Variants in GCNT2 observed in about 807,000 individuals in gnomAD.
The protein encoded by GCNT2 is N-acetyllactosaminide beta-1,6-N-acetylglucosaminyl-transferase.
In GCNT2, 34 loss-of-function variants were observed where a neutral mutation model predicts 34.2. The observed-to-expected ratio is 1.00, with a 90% CI of 0.76 to 1.32. GCNT2 has a LOEUF of 1.32. Among genes scored for constraint, GCNT2 ranks in the 40% most tolerant of loss-of-function variants. GCNT2 has a pLI of 0.00. For synonymous variants in GCNT2, 212 were observed against 188.0 expected (o/e 1.13, Z -1.04); for missense variants, 584 against 489.4 (o/e 1.19, Z -1.82).
At chr6:10,536,905 A>G (rs1243828410) in intron 3 of GCNT2, among the ~76,000 whole-genome samples, 1 of 151,682 alleles carries the variant, frequency 6.6e-6, no homozygotes, top group Non-Finnish European at 1.5e-5. Context: ...AGCTGGGACT[A>G]CAGGCGCCCG....
At chr6:10,547,136 G>A (rs188369010) in intron 3 of GCNT2, among the ~76,000 whole-genome samples, 1 of 152,186 alleles carries the variant, frequency 6.6e-6, no homozygotes, top group Non-Finnish European at 1.5e-5. Context: ...ATAATATTTT[G>A]TACACTTGCC....
intron 3 of GCNT2, among the ~76,000 whole-genome samples, chr6:10,559,939 G>GT (rs1379472393): frequency 6.6e-6 from 1 of 152,216 alleles, no homozygotes; most frequent in African/African-American, 2.4e-5. Context: ...TCTAGCCCTA[G>GT]TAGTGCCTCT....
In GCNT2 at chr6:10,529,614, G is replaced by C. The variant is rs769797010; in HGVS notation, c.703G>C (p.Glu235Gln). ...AVGRTKYVHQ[E>Q]LLNHKNSYVI... ...TGGACGGACTAAATACGTCCACCAA[G>C]AACTGTTAAACCACAAAAATTCCTA... Residue 235 changes from glutamate (E) to glutamine (Q), a missense_variant, in exon 3 of 5, where the codon GAA (glutamate) becomes CAA (glutamine). By Grantham distance (29) the Glu-to-Gln change is conservative (BLOSUM62 2). Transcript: ENST00000495262. 6.2e-7 allele frequency: 1 copy of C among 1,613,996 alleles called. No homozygotes were observed. Among genetic ancestry groups the C allele is most frequent in the African/African-American group, 1.3e-5 (1 of 74,918 alleles).
At chr6:10,534,509 T>C (rs571153434) in intron 3 of GCNT2, among the ~76,000 whole-genome samples, 33 of 152,202 alleles carry the variant, frequency 2.2e-4, no homozygotes, top group African/African-American at 6.3e-4. Context: ...CCTTGGGTCA[T>C]GCAGCCATTG....
chr6:10,624,809 A>G (rs980566684), intron 4 of GCNT2, among the ~76,000 whole-genome samples: 5 of 151,814 alleles, frequency 3.3e-5, no homozygotes, highest in African/African-American at 1.2e-4. Context: ...GGTCTCAGCT[A>G]TCTGTGGGCC....
At chr6:10,549,561 C>CTTTTTTTTTTT (rs1425642393) in intron 3 of GCNT2, among the ~76,000 whole-genome samples, 1 of 111,298 alleles carries the variant, frequency 9.0e-6, no homozygotes, top group African/African-American at 4.2e-5. Flanking sequence ...CAATCTCTCT[C>CTTTTTTTTTTT]TCTTTTTTTT....
At chr6:10,556,319 G>C (rs996453955) in intron 3 of GCNT2, 2 of 1,580,256 alleles carry the variant, frequency 1.3e-6, no homozygotes, top group African/African-American at 2.7e-5. Flanking sequence ...CAGGGCAGGA[G>C]TGAGTGGAGT....
In GCNT2 at chr6:10,626,418, C is replaced by T; in HGVS notation, c.1020C>T (p.Gly340=). The T allele has an allele frequency of 2.5e-6, 4 of 1,607,832 alleles. No individual in the cohort carries two copies. Among genetic ancestry groups the T allele is most frequent in the Non-Finnish European group, 3.4e-6 (4 of 1,174,304 alleles). Residue 340 remains glycine (G), a splice_region_variant and synonymous_variant, in exon 5 of 5, where the codon GGC becomes GGT. Transcript: ENST00000495262. ...TGTTTCTTGTTCTTTCTTTTGCAGG[C>T]CACTATGTACATGGTATTTGTATCT... ...DMEDRHGGCH[G]HYVHGICIYG...
chr6:10,603,979 T>C (rs183656201), intron 3 of GCNT2, among the ~76,000 whole-genome samples: 2 of 152,086 alleles, frequency 1.3e-5, no homozygotes, highest in African/African-American at 4.8e-5. Flanking sequence ...CACTGCAACC[T>C]CCGCCGCCCC....
chr6:10,585,782 C>T lies in GCNT2; in HGVS notation c.926-35569C>T, dbSNP rs149927029. Reference sequence around the variant, plus strand: ...ACTGCAGACCAAAGTGAGAGAGGGACGCACCGCATCTCCAGGCACATCCAA... The same window carrying T: ...ACTGCAGACCAAAGTGAGAGAGGGATGCACCGCATCTCCAGGCACATCCAA... On this transcript the variant is annotated intron_variant, in intron 3 of 4. Coordinates refer to ENST00000495262, the MANE Select transcript of GCNT2 (RefSeq NM_145649.5). 9.1e-6 allele frequency: 13 copies of T among 1,430,994 alleles called. No individual in the cohort carries two copies. In the South Asian group the frequency reaches 9.1e-5, roughly 10 times the overall value. The allele number at this position is 1,430,994 out of a possible 1,614,324, so 88.6% of individuals were successfully genotyped here.
intron 3 of GCNT2, among the ~76,000 whole-genome samples, chr6:10,559,412 C>T (rs1762871344): frequency 6.6e-6 from 1 of 152,194 alleles, no homozygotes; most frequent in Non-Finnish European, 1.5e-5. Flanking sequence ...TGGCTTCTGC[C>T]TTCTCACTGC....
chr6:10,556,832 G>T, intron 3 of GCNT2: 1 of 1,614,192 alleles, frequency 6.2e-7, no homozygotes. Context: ...ATTTAAAGAT[G>T]CGGTAGAGCA....
intron 3 of GCNT2, among the ~76,000 whole-genome samples, chr6:10,595,839 T>A (rs562349373): frequency 6.6e-6 from 1 of 152,198 alleles, no homozygotes; most frequent in Non-Finnish European, 1.5e-5. Context: ...GAAAAACTTA[T>A]AAACACACAC....
chr6:10,536,319 G>GT (rs919613391), intron 3 of GCNT2, among the ~76,000 whole-genome samples: 1 of 151,680 alleles, frequency 6.6e-6, no homozygotes, highest in African/African-American at 2.4e-5. Context: ...AGCAATCTCT[G>GT]TTTTTTTATA....
chr6:10,596,305 C>T (rs1015519840), intron 3 of GCNT2, among the ~76,000 whole-genome samples: 1 of 152,088 alleles, frequency 6.6e-6, no homozygotes, highest in Non-Finnish European at 1.5e-5. Flanking sequence ...GGGTGGATCA[C>T]TAGGTCAGGC....
At chr6:10,545,774 T>C (rs1762239815) in intron 3 of GCNT2, among the ~76,000 whole-genome samples, 1 of 152,068 alleles carries the variant, frequency 6.6e-6, no homozygotes, top group Non-Finnish European at 1.5e-5. Context: ...TGGAGGAGGG[T>C]GTAAGACTTC....
intron 3 of GCNT2, among the ~76,000 whole-genome samples, chr6:10,595,162 T>C (rs889680848): frequency 1.3e-5 from 2 of 152,192 alleles, no homozygotes; most frequent in Admixed American, 6.5e-5. Context: ...CTATGAAATG[T>C]GTATTATCCA....
chr6:10,587,049 AAC>A (rs1435575846), intron 3 of GCNT2: 1 of 707,688 alleles, frequency 1.4e-6, no homozygotes, highest in Non-Finnish European at 2.5e-6. Flanking sequence ...TGCTTGTAGC[AAC>A]AGTGTATTGC....
intron 3 of GCNT2, among the ~76,000 whole-genome samples, chr6:10,565,745 T>C (rs906318174): frequency 1.3e-5 from 2 of 152,048 alleles, no homozygotes; most frequent in Non-Finnish European, 2.9e-5. Flanking sequence ...CCGGCCAAGA[T>C]AGTATCGCTC....
Sources: gnomAD v4.1 joint callset for allele counts (sites outside exome capture counted in the v4.1 genomes callset) on GRCh38, gnomAD v4.1.1 for gene constraint, MANE v1.5 for transcripts, NCBI Gene and HGNC (gene_info 2026-07-23, HGNC 2026-07-21) for gene names.